The following NPFFR2 variants were observed in gnomAD, a reference collection of about 807,000 sequenced individuals.
The protein encoded by NPFFR2 is G-protein coupled receptor 74.
In NPFFR2, 15 loss-of-function variants were observed where a neutral mutation model predicts 13.1. The ratio of observed to expected loss-of-function variants is 1.15; its 90% CI spans 0.77 to 1.76. NPFFR2 has a LOEUF of 1.76. NPFFR2 is among the 40% of genes most tolerant of loss of function. The pLI is 0.00. For missense variants in NPFFR2, 572 were observed against 503.5 expected, an observed-to-expected ratio of 1.14 and a Z score of -1.30; for synonymous variants, 190 against 175.7, an observed-to-expected ratio of 1.08 and a Z score of -0.65.
rs545628917 is a variant in NPFFR2, at chr4:72,037,711, T to G, written c.-8+5511T>G. ...GTCCTTGGGTAGCCGTTTATATCAT[T>G]TATATCAGTGTTACTTAAGGCTTCA... On this transcript the variant is annotated intron_variant, in intron 1 of 3. Transcript: ENST00000308744. Among the ~76,000 whole-genome samples, 3 of 152,362 alleles carry G rather than the reference T, an allele frequency of 2.0e-5. No homozygotes were observed. The East Asian group carries it at 5.8e-4, about 29-fold the overall frequency.
chr4:72,074,444 T>G (rs1720366840), intron 1 of NPFFR2, among the ~76,000 whole-genome samples: 1 of 152,098 alleles, frequency 6.6e-6, no homozygotes, highest in Admixed American at 6.6e-5. Flanking sequence ...TAGCTATAAT[T>G]GCTCCATTTT....
intron 1 of NPFFR2, among the ~76,000 whole-genome samples, chr4:72,125,936 G>A (rs539558510): frequency 6.6e-6 from 1 of 152,280 alleles, no homozygotes; most frequent in South Asian, 2.1e-4. Context: ...CTGACCATAG[G>A]TGGTAGGAAG....
intron 1 of NPFFR2, among the ~76,000 whole-genome samples, chr4:72,088,371 A>G (rs1720825186): frequency 6.6e-6 from 1 of 151,966 alleles, no homozygotes; most frequent in South Asian, 2.1e-4. Context: ...CCTTTAAGGG[A>G]AGATGAATTT....
At chr4:72,106,928 T>C (rs1474729497) in intron 1 of NPFFR2, among the ~76,000 whole-genome samples, 4 of 152,004 alleles carry the variant, frequency 2.6e-5, no homozygotes, top group African/African-American at 7.2e-5. Flanking sequence ...CATACAAATA[T>C]AGTTGCTTTC....
At chr4:72,132,447 T>G (rs1384712548) in intron 2 of NPFFR2, among the ~76,000 whole-genome samples, 1 of 152,200 alleles carries the variant, frequency 6.6e-6, no homozygotes, top group East Asian at 1.9e-4. Flanking sequence ...TGAATAGTGC[T>G]GCAGTGAACA....
intron 1 of NPFFR2, among the ~76,000 whole-genome samples, chr4:72,082,175 G>A (rs912708180): frequency 8.5e-5 from 13 of 152,242 alleles, no homozygotes; most frequent in African/African-American, 3.1e-4. Flanking sequence ...ACTTCAAAAA[G>A]GATGCATGTC....
chr4:72,114,738 A>G (rs758407835), intron 1 of NPFFR2, among the ~76,000 whole-genome samples: 19 of 152,148 alleles, frequency 1.2e-4, no homozygotes, highest in Non-Finnish European at 2.2e-4. Flanking sequence ...TGCTTTTGAC[A>G]TGAACAACAT....
At chr4:72,056,990 G>A (rs1427831123) in intron 1 of NPFFR2, among the ~76,000 whole-genome samples, 1 of 151,884 alleles carries the variant, frequency 6.6e-6, no homozygotes, top group Non-Finnish European at 1.5e-5. Context: ...GGACATTGTT[G>A]AAATGGCAAC....
intron 1 of NPFFR2, among the ~76,000 whole-genome samples, chr4:72,094,680 G>T (rs1721010149): frequency 6.6e-6 from 1 of 152,150 alleles, no homozygotes; most frequent in Admixed American, 6.5e-5. Context: ...CTCCCTCTGT[G>T]CCCCTGACAA....
intron 1 of NPFFR2, among the ~76,000 whole-genome samples, chr4:72,124,781 A>T (rs1721987240): frequency 6.6e-6 from 1 of 152,208 alleles, no homozygotes; most frequent in African/African-American, 2.4e-5. Flanking sequence ...ACCAAGACGG[A>T]TTAAAGACTA....
Position 72,137,953 on chromosome 4 carries a change from A to T in NPFFR2, c.329-87A>T, listed in dbSNP as rs1053614573. 10 of 930,584 alleles carry T rather than the reference A, an allele frequency of 1.1e-5. No individual in the cohort carries two copies. The African/African-American group carries it at 1.6e-4, about 15-fold the overall frequency. 57.6% of individuals were successfully genotyped at this position (930,584 alleles called of 1,614,324 possible). A position where few individuals can be genotyped will look rare whatever the true frequency, so the allele number is the denominator to read the frequency against. ...CTATCATGTAGAAAACAGTTACATTAGTCTCGTTTCCACAACTTTCTATTT... is the reference window on the plus strand; with the variant it reads ...CTATCATGTAGAAAACAGTTACATTTGTCTCGTTTCCACAACTTTCTATTT... On this transcript the variant is annotated intron_variant, in intron 2 of 3. Transcript: ENST00000308744.
In NPFFR2 at chr4:72,141,045, A is replaced by G. The variant is rs978095081; in HGVS notation, c.428+2906A>G. Among the ~76,000 whole-genome samples the G allele has an allele frequency of 1.4e-4, 22 of 152,102 alleles. 1 individual carries two copies. The highest frequency in any genetic ancestry group is 9.8e-4 in the Admixed American group (15 of 15,252). ...CTTTTAGATTTTCTAGTTTATTTGC[A>G]TAGAGGTGTTTATAGTATTCTCTGA... On this transcript the variant is annotated intron_variant, in intron 3 of 3. Coordinates refer to ENST00000308744, the MANE Select transcript of NPFFR2 (RefSeq NM_004885.3).
At chr4:72,112,582 G>T (rs1161551028) in intron 1 of NPFFR2, among the ~76,000 whole-genome samples, 1 of 151,980 alleles carries the variant, frequency 6.6e-6, no homozygotes, top group East Asian at 1.9e-4. Flanking sequence ...CATTATCTGT[G>T]CCAGAAACAT....
chr4:72,119,125 A>G (rs1471703630), intron 1 of NPFFR2, among the ~76,000 whole-genome samples: 1 of 152,176 alleles, frequency 6.6e-6, no homozygotes, highest in African/African-American at 2.4e-5. Context: ...TCTCTTCTAT[A>G]CAATATATAA....
intron 1 of NPFFR2, among the ~76,000 whole-genome samples, chr4:72,038,402 C>G (rs1719098596): frequency 6.6e-6 from 1 of 152,170 alleles, no homozygotes. Flanking sequence ...GAGTCTAGTG[C>G]ATAGTAGATA....
chr4:72,115,675 C>A (rs1399111033), intron 1 of NPFFR2, among the ~76,000 whole-genome samples: 2 of 152,060 alleles, frequency 1.3e-5, no homozygotes, highest in African/African-American at 4.8e-5. Flanking sequence ...CATGAAAGTT[C>A]TTTCTTAGAT....
At chr4:72,109,856 T>A (rs548745137) in intron 1 of NPFFR2, among the ~76,000 whole-genome samples, 5 of 152,148 alleles carry the variant, frequency 3.3e-5, no homozygotes, top group African/African-American at 7.2e-5. Flanking sequence ...TTTCCCCATC[T>A]GCAGGGTGTA....
intron 1 of NPFFR2, among the ~76,000 whole-genome samples, chr4:72,044,945 G>C (rs969600197): frequency 3.9e-5 from 6 of 151,964 alleles, no homozygotes; most frequent in African/African-American, 1.4e-4. Context: ...CTGTGTTGAG[G>C]TCTTAGCCAT....
At chr4:72,129,017 T>C in intron 2 of NPFFR2, 98 bp downstream of exon 2, 2 of 959,426 alleles carry the variant, frequency 2.1e-6, no homozygotes, top group East Asian at 2.4e-5. Flanking sequence ...TTTATTTACA[T>C]ATATTTATGG....
Sources: gnomAD v4.1 joint callset for allele counts (sites outside exome capture counted in the v4.1 genomes callset) on GRCh38, gnomAD v4.1.1 for gene constraint, MANE v1.5 for transcripts, NCBI Gene and HGNC (gene_info 2026-07-23, HGNC 2026-07-21) for gene names.